The following SLC2A2 variants were observed in gnomAD, a reference collection of about 807,000 sequenced individuals.
SLC2A2 encodes solute carrier family 2, facilitated glucose transporter member 2.
A neutral mutation model predicts 54.5 loss-of-function variants in SLC2A2; 36 were observed. That is an observed-to-expected ratio of 0.66 (90% CI 0.51 to 0.87). The LOEUF is 0.87. Ranked by LOEUF, SLC2A2 falls within the 40% of genes least tolerant of loss-of-function variation. The probability of loss-of-function intolerance (pLI) is 0.00; values close to 1 mark genes in which losing one functional copy is unlikely to be tolerated. For missense variants in SLC2A2, 543 were observed against 624.3 expected (o/e 0.87, Z 1.39); for synonymous variants, 223 against 219.1 (o/e 1.02, Z -0.16).
intron 8 of SLC2A2, among the ~76,000 whole-genome samples, chr3:170,999,389 C>G (rs1177125631): frequency 6.6e-6 from 1 of 152,008 alleles, no homozygotes. Context: ...CAAATATCTG[C>G]TTAATTTAGT....
intron 1 of SLC2A2, among the ~76,000 whole-genome samples, chr3:171,018,911 C>G (rs796655188): frequency 6.6e-6 from 1 of 151,568 alleles, no homozygotes; most frequent in Non-Finnish European, 1.5e-5. Context: ...AATAGCATAC[C>G]TCTCCTGACT....
Position 171,005,415 on chromosome 3 carries a change from T to G in SLC2A2, c.833A>C (p.Lys278Thr), listed in dbSNP as rs765426962. Residue 278 changes from lysine to threonine, a missense_variant, in exon 7 of 11, where the codon AAA (lysine) becomes ACA (threonine). Physicochemically the swap from Lys to Thr is moderately conservative, Grantham distance 78. This residue lies in a region of SLC2A2 where 318 missense variants were observed against 343.8 expected (regional missense o/e 0.93). Transcript: ENST00000314251. ...DVTKDINEMR[K>T]EREEASSEQK... ...CTCACTCGATGCTTCTTCTCTTTCTTTTCTCATTTCATTAATATCTTTGGT... is the reference window on the plus strand; with the variant it reads ...CTCACTCGATGCTTCTTCTCTTTCTGTTCTCATTTCATTAATATCTTTGGT... 66 of 1,612,714 alleles carry G rather than the reference T, an allele frequency of 4.1e-5. No individual in the cohort carries two copies. Among genetic ancestry groups the G allele is most frequent in the Non-Finnish European group, 5.5e-5 (65 of 1,179,226 alleles).
At chr3:171,006,845 T>C (rs1229708927) in intron 5 of SLC2A2, among the ~76,000 whole-genome samples, 1 of 152,090 alleles carries the variant, frequency 6.6e-6, no homozygotes, top group Admixed American at 6.6e-5. Context: ...AGAATAGCTC[T>C]AAAGTTAAGA....
intron 1 of SLC2A2, among the ~76,000 whole-genome samples, chr3:171,022,393 A>G (rs1419883986): frequency 7.9e-5 from 12 of 152,106 alleles, no homozygotes; most frequent in African/African-American, 2.2e-4. Context: ...GGCTTCAAAC[A>G]CACAGAAATC....
chr3:171,016,364 A>AG (rs1161128634), intron 2 of SLC2A2, among the ~76,000 whole-genome samples: 1 of 152,178 alleles, frequency 6.6e-6, no homozygotes, highest in Non-Finnish European at 1.5e-5. Flanking sequence ...TGAACTCAGG[A>AG]GGCAGAGGTT....
intron 9 of SLC2A2, 43 bp downstream of exon 9, chr3:170,999,022 A>G: frequency 8.1e-7 from 1 of 1,238,002 alleles, no homozygotes; most frequent in Non-Finnish European, 1.2e-6. Context: ...GCCAGGTACC[A>G]TCATATGTTA....
chr3:170,999,012 G>A (rs1284107148), intron 9 of SLC2A2, 53 bp downstream of exon 9: 11 of 1,115,796 alleles, frequency 9.9e-6, no homozygotes, highest in East Asian at 2.3e-5. Flanking sequence ...CCACAGAGGT[G>A]CCAGGTACCA....
rs1391257598 is a variant in SLC2A2, at chr3:171,014,638, G to T, written c.202C>A (p.Pro68Thr). The T allele has an allele frequency of 6.2e-7, 1 of 1,614,078 alleles. No individual in the cohort carries two copies. The highest frequency in any genetic ancestry group is 2.2e-5 in the East Asian group (1 of 44,874). ...NYVINSTDEL[P>T]TISYSMNPKP... ...GGGTTCATTGAGTATGAGATTGTGG[G>T]CAGTTCATCTGTACTGTTGATAACA... The change falls in exon 3 of 11, where the codon CCC (proline) becomes ACC (threonine). Residue 68 changes from proline to threonine, a missense_variant. Physicochemically the swap from Pro to Thr is conservative, Grantham distance 38. Coordinates refer to ENST00000314251, the MANE Select transcript of SLC2A2 (RefSeq NM_000340.2).
intron 7 of SLC2A2, among the ~76,000 whole-genome samples, chr3:171,003,733 C>T (rs933356624): frequency 6.6e-6 from 1 of 151,924 alleles, no homozygotes; most frequent in African/African-American, 2.4e-5. Flanking sequence ...CTGCTAGGAA[C>T]ATTCTAGTAC....
chr3:170,998,466 C>T, intron 9 of SLC2A2, 70 bp from the exon 10 acceptor site: 1 of 1,246,114 alleles, frequency 8.0e-7, no homozygotes, highest in Non-Finnish European at 1.2e-6. Context: ...GCTAAGTAGC[C>T]TCTGAGTTCA....
chr3:171,014,405 A>G (rs1379863851), intron 3 of SLC2A2, 64 bp downstream of exon 3: 76 of 1,537,784 alleles, frequency 4.9e-5, no homozygotes, highest in Non-Finnish European at 6.6e-5. Flanking sequence ...ATTTTTCTAA[A>G]CAAGTGTTAG....
At chr3:171,006,250 A>T (rs556938122) in intron 5 of SLC2A2, 145 bp from the exon 6 acceptor site, 2 of 658,950 alleles carry the variant, frequency 3.0e-6, no homozygotes, top group Non-Finnish European at 5.2e-6. Context: ...TTACTATTGT[A>T]TCTCACTTTA....
At chr3:171,020,553 A>G (rs1226257889) in intron 1 of SLC2A2, among the ~76,000 whole-genome samples, 1 of 152,126 alleles carries the variant, frequency 6.6e-6, no homozygotes, top group Non-Finnish European at 1.5e-5. Flanking sequence ...AAAGAATAAT[A>G]TATATGTGAT....
Position 171,005,265 on chromosome 3 carries a change from GT to G in SLC2A2, c.963+19del, listed in dbSNP as rs1560034683. The G allele has an allele frequency of 1.9e-6, 3 of 1,605,220 alleles. No individual in the cohort carries two copies. The highest frequency in any genetic ancestry group is 2.6e-6 in the Non-Finnish European group (3 of 1,172,294). On this transcript the variant is annotated intron_variant, in intron 7 of 10. Transcript: ENST00000314251. ...TAATTCACTGTGCTCTTAAGAGTTA[GT>G]GGGTGTTCTTAAACTTACGCCATTG...
At chr3:171,025,358 G>A (rs899130810) in intron 1 of SLC2A2, among the ~76,000 whole-genome samples, 6 of 143,376 alleles carry the variant, frequency 4.2e-5, no homozygotes, top group Admixed American at 1.4e-4. Flanking sequence ...ATTTAAATAT[G>A]TATTTAACAC....
chr3:171,007,075 G>A, intron 5 of SLC2A2, 73 bp downstream of exon 5: 3 of 828,694 alleles, frequency 3.6e-6, no homozygotes, highest in East Asian at 5.1e-5. Flanking sequence ...AGTAGGGGAT[G>A]CAATAGTAGT....
intron 4 of SLC2A2, among the ~76,000 whole-genome samples, chr3:171,009,408 G>C (rs1487033485): frequency 6.6e-6 from 1 of 152,034 alleles, no homozygotes; most frequent in Admixed American, 6.6e-5. Flanking sequence ...ATACAGGGCT[G>C]GGGAATGTGG....
rs558179511 is a variant in SLC2A2 at position 171,004,758 on chromosome 3, G to A, written c.963+527C>T. 6.6e-5 allele frequency among the ~76,000 whole-genome samples: 10 copies of A among 152,002 alleles called. No individual in the cohort carries two copies. The South Asian group carries it at 1.2e-3, about 19-fold the overall frequency. On this transcript the variant is annotated intron_variant, in intron 7 of 10. Transcript: ENST00000314251. ...GTTTTTCAATCATGTATTGTCTACC[G>A]TCCTTAGTCAACAATATCATGCCAG...
chr3:171,013,925 A>G (rs1238443302), intron 3 of SLC2A2, among the ~76,000 whole-genome samples: 1 of 117,222 alleles, frequency 8.5e-6, no homozygotes, highest in African/African-American at 4.2e-5. Flanking sequence ...CTCTTGCTTC[A>G]TCTCTGGTTG....
Sources: gnomAD v4.1 joint callset for allele counts (sites outside exome capture counted in the v4.1 genomes callset) on GRCh38, gnomAD v4.1.1 for gene constraint, gnomAD v4.1.1 regional missense constraint, MANE v1.5 for transcripts, NCBI Gene and HGNC (gene_info 2026-07-23, HGNC 2026-07-21) for gene names.